The following R3HDM1 variants were observed in gnomAD, a reference collection of about 807,000 sequenced individuals.
R3HDM1 encodes the protein R3H domain-containing protein 1.
A neutral mutation model predicts 141.1 loss-of-function variants in R3HDM1; 46 were observed. That is an observed-to-expected ratio of 0.33 (90% CI 0.26 to 0.42). The LOEUF is 0.42. Among genes scored for constraint, R3HDM1 ranks in the 10% least tolerant of loss-of-function variants. R3HDM1 has a pLI of 1.00. For missense variants in R3HDM1, 1,184 were observed against 1,368.3 expected, an observed-to-expected ratio of 0.87 and a Z score of 2.12; for synonymous variants, 435 against 472.9, an observed-to-expected ratio of 0.92 and a Z score of 1.04.
intron 1 of R3HDM1, among the ~76,000 whole-genome samples, chr2:135,601,935 TATAGGC>T: frequency 6.6e-6 from 1 of 151,720 alleles, no homozygotes; most frequent in East Asian, 1.9e-4. Flanking sequence ...GTGCTGGGAT[TATAGGC>T]ACAAGCCACT....
intron 3 of R3HDM1, among the ~76,000 whole-genome samples, chr2:135,610,686 A>G (rs139353561): frequency 6.6e-6 from 1 of 152,360 alleles, no homozygotes; most frequent in East Asian, 1.9e-4. Flanking sequence ...GAAAGTATTG[A>G]TGAAACAATT....
chr2:135,602,141 A>G (rs1352477821), intron 1 of R3HDM1, among the ~76,000 whole-genome samples: 1 of 152,134 alleles, frequency 6.6e-6, no homozygotes, highest in Non-Finnish European at 1.5e-5. Flanking sequence ...GAGAACTCTA[A>G]AAATGATGGT....
At chr2:135,641,904 T>G (rs1017077938) in intron 15 of R3HDM1, 114 bp downstream of exon 15, 20 of 1,247,358 alleles carry the variant, frequency 1.6e-5, no homozygotes, top group Middle Eastern at 2.8e-4. Context: ...ATAATTAACA[T>G]TTTCCAAGAA....
chr2:135,620,477 A>T, intron 5 of R3HDM1: 1 of 978,834 alleles, frequency 1.0e-6, no homozygotes, highest in African/African-American at 1.7e-5. Context: ...CCTAGTAAAA[A>T]CTGCCAGTGT....
intron 1 of R3HDM1, among the ~76,000 whole-genome samples, chr2:135,533,019 T>C (rs1695263200): frequency 6.6e-6 from 1 of 152,250 alleles, no homozygotes; most frequent in Non-Finnish European, 1.5e-5. Flanking sequence ...ATCTGAGTTT[T>C]GATCATTTCT....
At chr2:135,721,668 A>G (rs1375284038) in intron 24 of R3HDM1, 6 of 335,338 alleles carry the variant, frequency 1.8e-5, no homozygotes, top group Non-Finnish European at 3.5e-5. Flanking sequence ...GCTCACTGCA[A>G]CCTCTACCTC....
chr2:135,691,035 C>G (rs995616883), intron 21 of R3HDM1, among the ~76,000 whole-genome samples: 2 of 152,174 alleles, frequency 1.3e-5, no homozygotes, highest in East Asian at 3.8e-4. Flanking sequence ...AAAAATACTT[C>G]TCTTATATCT....
intron 11 of R3HDM1, among the ~76,000 whole-genome samples, chr2:135,638,364 A>G (rs1330322533): frequency 6.6e-6 from 1 of 152,220 alleles, no homozygotes; most frequent in African/African-American, 2.4e-5. Context: ...TATTTGGAAG[A>G]TAATATTTGA....
chr2:135,613,545 G>C (rs1023373658), intron 3 of R3HDM1, among the ~76,000 whole-genome samples: 2 of 152,152 alleles, frequency 1.3e-5, no homozygotes, highest in African/African-American at 4.8e-5. Flanking sequence ...AGCAGGGTAT[G>C]GTAGTTCACA....
intron 1 of R3HDM1, among the ~76,000 whole-genome samples, chr2:135,563,749 C>T (rs1351961092): frequency 6.6e-6 from 1 of 152,090 alleles, no homozygotes; most frequent in Non-Finnish European, 1.5e-5. Flanking sequence ...TACAGTTTAG[C>T]TCTTATGTAT....
At chr2:135,699,045 A>ATAGATTGATAGATT (rs202144929) in intron 21 of R3HDM1, among the ~76,000 whole-genome samples, 9 of 129,826 alleles carry the variant, frequency 6.9e-5, no homozygotes, top group Non-Finnish European at 1.3e-4. Context: ...ATAGATAGAT[A>ATAGATTGATAGATT]AGATAGATAA....
chr2:135,587,726 C>A (rs1369723801), intron 1 of R3HDM1, among the ~76,000 whole-genome samples: 2 of 152,156 alleles, frequency 1.3e-5, no homozygotes, highest in Non-Finnish European at 2.9e-5. Flanking sequence ...CATCCTTTGT[C>A]ATATTCTGCT....
chr2:135,635,552 C>A (rs1225380794), intron 9 of R3HDM1, among the ~76,000 whole-genome samples: 2 of 152,158 alleles, frequency 1.3e-5, no homozygotes, highest in African/African-American at 4.8e-5. Context: ...CTATATAATT[C>A]CCATTTTACA....
intron 18 of R3HDM1, among the ~76,000 whole-genome samples, chr2:135,658,389 A>C (rs1170248477): frequency 1.3e-5 from 2 of 152,140 alleles, no homozygotes; most frequent in Non-Finnish European, 2.9e-5. Context: ...GCTGATCTCA[A>C]ACTCCTGACC....
At chr2:135,624,930 A>G (rs1437519564) in intron 7 of R3HDM1, among the ~76,000 whole-genome samples, 1 of 152,218 alleles carries the variant, frequency 6.6e-6, no homozygotes, top group Non-Finnish European at 1.5e-5. Context: ...CCAAGTACTA[A>G]AGATAGCAAA....
At position 135,705,922 on chromosome 2, in the gene R3HDM1, G is replaced by A. The variant is rs569571395; in HGVS notation, c.2460-3511G>A. ...AGGCTGGCGGATCACGAGGTCAGGA[G>A]ATCGAGACCATCCTGGCTAACATGG... is the stretch of plus-strand genomic sequence containing the variant. On this transcript the variant is annotated intron_variant, in intron 21 of 26. Coordinates refer to ENST00000683871, the MANE Select transcript of R3HDM1 (RefSeq NM_001378107.1). 7.9e-5 allele frequency among the ~76,000 whole-genome samples: 12 copies of A among 152,252 alleles called. No homozygotes were observed. In the South Asian group the frequency reaches 2.5e-3, roughly 32 times the overall value.
At chr2:135,545,149 G>A (rs994240197) in intron 1 of R3HDM1, among the ~76,000 whole-genome samples, 2 of 152,130 alleles carry the variant, frequency 1.3e-5, no homozygotes, top group South Asian at 4.1e-4. Context: ...GAATGTATCT[G>A]CAAAACTAAA....
At chr2:135,575,697 A>T (rs1057102731) in intron 1 of R3HDM1, among the ~76,000 whole-genome samples, 1 of 152,222 alleles carries the variant, frequency 6.6e-6, no homozygotes, top group Non-Finnish European at 1.5e-5. Flanking sequence ...AGCAACAAAG[A>T]TTAAATACTT....
chr2:135,583,808 A>G (rs915522044), intron 1 of R3HDM1: 14 of 985,336 alleles, frequency 1.4e-5, no homozygotes, highest in African/African-American at 1.7e-5. Flanking sequence ...AAAATAAAGA[A>G]GAAAGTTTAT....
Sources: gnomAD v4.1 joint callset for allele counts (sites outside exome capture counted in the v4.1 genomes callset) on GRCh38, gnomAD v4.1.1 for gene constraint, MANE v1.5 for transcripts, NCBI Gene and HGNC (gene_info 2026-07-23, HGNC 2026-07-21) for gene names.